NDST4: variants seen among roughly 807,000 people sequenced by gnomAD.
NDST4 encodes N-heparan sulfate sulfotransferase 4.
Under a neutral mutation model 100.8 loss-of-function variants are expected in NDST4, and 63 were observed. The ratio of observed to expected loss-of-function variants is 0.62; its 90% CI spans 0.51 to 0.77. NDST4 has a LOEUF of 0.77. NDST4 is among the 30% of genes least tolerant of loss of function. The pLI is 0.00. For missense variants in NDST4, 943 were observed against 1,018.4 expected, an observed-to-expected ratio of 0.93 and a Z score of 1.01; for synonymous variants, 377 against 361.8, an observed-to-expected ratio of 1.04 and a Z score of -0.48.
rs76490260 is a variant in NDST4 at position 114,938,945 on chromosome 4, C to A, written c.1222-1442G>T. On this transcript the variant is annotated intron_variant, in intron 4 of 13. Transcript: ENST00000264363. ...TTTTGCTAGACACTGGGGAGAATTT[C>A]ATTTCTTGATCTGTGCAGAAGAAAA... is the stretch of plus-strand genomic sequence containing the variant. Among the ~76,000 whole-genome samples, 2,018 of 152,222 alleles carry A rather than the reference C, an allele frequency of 0.013. 89 individuals are homozygous for A. The South Asian group carries it at 0.16, about 12-fold the overall frequency.
chr4:115,049,275 A>G (rs1728531887), intron 2 of NDST4, among the ~76,000 whole-genome samples: 3 of 152,014 alleles, frequency 2.0e-5, no homozygotes, highest in African/African-American at 4.8e-5. Flanking sequence ...AAGGGCGATC[A>G]TTAAAGAGAA....
At chr4:114,864,164 T>A (rs576726233) in intron 7 of NDST4, among the ~76,000 whole-genome samples, 1 of 152,338 alleles carries the variant, frequency 6.6e-6, no homozygotes, top group Admixed American at 6.5e-5. Flanking sequence ...AGATTGATGA[T>A]CCTCATCCAG....
chr4:115,090,499 C>A (rs1439492914), intron 1 of NDST4, among the ~76,000 whole-genome samples: 1 of 151,754 alleles, frequency 6.6e-6, no homozygotes, highest in Non-Finnish European at 1.5e-5. Context: ...AATCCAGTCA[C>A]CTTTTTTTAT....
chr4:115,072,123 C>G (rs138473926), intron 2 of NDST4, among the ~76,000 whole-genome samples: 345 of 152,036 alleles, frequency 2.3e-3, no homozygotes, highest in African/African-American at 8.1e-3. Context: ...ATGTTATAGT[C>G]AAAGAGTCAA....
intron 3 of NDST4, among the ~76,000 whole-genome samples, chr4:114,970,951 C>T (rs1726501461): frequency 6.6e-6 from 1 of 151,910 alleles, no homozygotes; most frequent in Non-Finnish European, 1.5e-5. Context: ...TAACTCATAA[C>T]ATTTGTTAAT....
chr4:115,038,194 C>G (rs1410911270), intron 2 of NDST4, among the ~76,000 whole-genome samples: 1 of 152,168 alleles, frequency 6.6e-6, no homozygotes. Flanking sequence ...ACAGGAACTA[C>G]TGTAATAAAT....
intron 8 of NDST4, among the ~76,000 whole-genome samples, chr4:114,849,982 A>G (rs1560777893): frequency 1.3e-5 from 2 of 152,350 alleles, no homozygotes; most frequent in South Asian, 2.1e-4. Context: ...AAAACAAAAA[A>G]TGTTCTAGGG....
At chr4:114,907,455 A>G (rs143873113) in intron 6 of NDST4, among the ~76,000 whole-genome samples, 41 of 152,312 alleles carry the variant, frequency 2.7e-4, no homozygotes, top group Admixed American at 4.6e-4. Flanking sequence ...TACATGCAAA[A>G]AAGTTACAGC....
chr4:114,984,559 C>G (rs1726856917), intron 2 of NDST4, among the ~76,000 whole-genome samples: 1 of 151,938 alleles, frequency 6.6e-6, no homozygotes, highest in African/African-American at 2.4e-5. Flanking sequence ...CTTAATAGCT[C>G]AATAAAAAGG....
chr4:114,913,473 G>A (rs1725104769), intron 6 of NDST4, among the ~76,000 whole-genome samples: 1 of 151,872 alleles, frequency 6.6e-6, no homozygotes, highest in African/African-American at 2.4e-5. Flanking sequence ...ATTTTGATTT[G>A]GGTGATCCTA....
chr4:115,030,538 G>A lies in NDST4; in HGVS notation c.978+45521C>T, dbSNP rs112475422. ...TGAATTATCTAACAGAGAAAGAAGG[G>A]AAGTCTTACAGGCAAGTCAGACTTT... On this transcript the variant is annotated intron_variant, in intron 2 of 13. Coordinates refer to ENST00000264363, the MANE Select transcript of NDST4 (RefSeq NM_022569.3). Among the ~76,000 whole-genome samples, 1,195 of 152,148 alleles carry A rather than the reference G, an allele frequency of 7.9e-3. 23 individuals carry two copies. The highest frequency in any genetic ancestry group is 0.027 in the African/African-American group (1,116 of 41,518).
intron 4 of NDST4, among the ~76,000 whole-genome samples, chr4:114,953,324 A>T (rs1726064176): frequency 6.6e-6 from 1 of 152,142 alleles, no homozygotes; most frequent in Admixed American, 6.6e-5. Flanking sequence ...TTTGATGGTC[A>T]TCTAGTTTGA....
At position 115,021,389 on chromosome 4, in the gene NDST4, TATACATTCCATATAAATACATTCCAC is replaced by T. The variant is rs1422733634; in HGVS notation, c.979-44141_979-44116del. Among the ~76,000 whole-genome samples the T allele has an allele frequency of 6.6e-5, 10 of 151,772 alleles. No homozygotes were observed. In the East Asian group the frequency reaches 1.4e-3, roughly 21 times the overall value. On this transcript the variant is annotated intron_variant, in intron 2 of 13. Transcript: ENST00000264363. ...ACATTCCATATATATATTCCATATA[TATACATTCCATATAAATACATTCCAC>T]ATACATTCCATATATACACACATTC...
rs562633141 is a variant in NDST4, at chr4:115,111,570, TTTTA to T, written c.-247+1870_-247+1873del. 3.5e-3 allele frequency among the ~76,000 whole-genome samples: 530 copies of T among 151,778 alleles called. 6 individuals are homozygous for T. The highest frequency in any genetic ancestry group is 6.6e-3 in the Admixed American group (100 of 15,206). On this transcript the variant is annotated intron_variant, in intron 1 of 13. Transcript: ENST00000264363. Reference sequence around the variant, plus strand: ...AAATGTAATTTACATATATTTGCATTTTTATTTATTATTTATATATTTGCATTAA... The same window carrying T: ...AAATGTAATTTACATATATTTGCATTTTTATTATTTATATATTTGCATTAA...
At position 114,992,545 on chromosome 4, in the gene NDST4, GTTT is replaced by G. The variant is rs758350450; in HGVS notation, c.979-15274_979-15272del. On this transcript the variant is annotated intron_variant, in intron 2 of 13. Coordinates refer to ENST00000264363, the MANE Select transcript of NDST4 (RefSeq NM_022569.3). ...ACTATATGGGTCTGCTTATAGGAAG[GTTT>G]TTTTTTTTTTTCAATAAATAAAGTT... is the stretch of plus-strand genomic sequence containing the variant. 3.6e-5 allele frequency among the ~76,000 whole-genome samples: 5 copies of G among 137,466 alleles called. No homozygotes were observed. The East Asian group carries it at 6.2e-4, about 17-fold the overall frequency. The allele number at this position is 137,466 out of a possible 152,430, so 90.2% of individuals were successfully genotyped here. A position where few individuals can be genotyped will look rare whatever the true frequency, so the allele number is the denominator to read the frequency against.
At position 115,076,228 on chromosome 4, in the gene NDST4, A is replaced by G; in HGVS notation, c.809T>C (p.Leu270Pro). The change falls in exon 2 of 14, where the codon CTT becomes CCT. Residue 270 changes from leucine to proline, a missense_variant. Physicochemically the swap from Leu to Pro is moderately conservative, Grantham distance 98. Transcript: ENST00000264363. ...CCAAAAGTTCAAGTTGTTGCCAAAA[A>G]GTACTCTCTGAATTCCATCATGAAG... is the stretch of plus-strand genomic sequence containing the variant. ...LGLHDGIQRV[L>P]FGNNLNFWLH... 6.2e-7 allele frequency: 1 copy of G among 1,614,044 alleles called. No individual in the cohort carries two copies. The highest frequency in any genetic ancestry group is 8.5e-7 in the Non-Finnish European group (1 of 1,179,956).
chr4:115,042,234 G>A (rs183311493), intron 2 of NDST4, among the ~76,000 whole-genome samples: 74 of 152,202 alleles, frequency 4.9e-4, no homozygotes, highest in African/African-American at 1.7e-3. Flanking sequence ...TTATCCCTTT[G>A]TCCAGTGTAT....
chr4:115,076,352 T>C lies in NDST4; in HGVS notation c.685A>G (p.Thr229Ala), dbSNP rs771216566. 2.5e-6 allele frequency: 4 copies of C among 1,613,924 alleles called. No homozygotes were observed. Among genetic ancestry groups the C allele is most frequent in the African/African-American group, 1.3e-5 (1 of 75,032 alleles). The change falls in exon 2 of 14, where the codon ACC becomes GCC. Residue 229 changes from threonine to alanine, a missense_variant. This residue lies in a region of NDST4 where 417 missense variants were observed against 384.2 expected (regional missense o/e 1.09). Coordinates refer to ENST00000264363, the MANE Select transcript of NDST4 (RefSeq NM_022569.3). ...DWTIFQYNHS[T>A]YQPVLLTELQ... ...TCAGTTAAAAGTACAGGCTGGTAGG[T>C]TGAATGATTATATTGGAAAATAGTC... is the stretch of plus-strand genomic sequence containing the variant.
chr4:114,865,485 T>C (rs542194708), intron 7 of NDST4, among the ~76,000 whole-genome samples: 1 of 152,348 alleles, frequency 6.6e-6, no homozygotes, highest in South Asian at 2.1e-4. Context: ...ACTGTATTTT[T>C]AAACTCTTAT....
Sources: allele counts gnomAD v4.1 joint callset (sites outside exome capture counted in the v4.1 genomes callset), GRCh38; gene constraint gnomAD v4.1.1; regional missense constraint gnomAD v4.1.1; transcripts MANE v1.5; gene names NCBI Gene and HGNC (gene_info 2026-07-23, HGNC 2026-07-21).